The following TMEM135 variants were observed in gnomAD, a reference collection of about 807,000 sequenced individuals.
TMEM135 encodes transmembrane protein 135.
TMEM135 carries 30 observed loss-of-function variants against 60.3 expected under a neutral mutation model. That is an observed-to-expected ratio of 0.50 (90% CI 0.37 to 0.68). The LOEUF is 0.68. TMEM135 is among the 30% of genes least tolerant of loss of function. TMEM135 has a pLI of 0.00. For missense variants in TMEM135, 468 were observed against 548.8 expected, an observed-to-expected ratio of 0.85 and a Z score of 1.47; for synonymous variants, 190 against 186.7, an observed-to-expected ratio of 1.02 and a Z score of -0.14.
intron 12 of TMEM135, among the ~76,000 whole-genome samples, chr11:87,317,447 T>C (rs1942752800): frequency 6.6e-6 from 1 of 152,170 alleles, no homozygotes; most frequent in Non-Finnish European, 1.5e-5. Context: ...TATCCCAGTC[T>C]CTTTTACACA....
intron 5 of TMEM135, among the ~76,000 whole-genome samples, chr11:87,228,282 G>A (rs1026649456): frequency 1.3e-5 from 2 of 152,102 alleles, no homozygotes; most frequent in Non-Finnish European, 2.9e-5. Context: ...GTGAGAATTT[G>A]TGGTTCCTTG....
intron 4 of TMEM135, among the ~76,000 whole-genome samples, chr11:87,151,336 G>T (rs539143551): frequency 3.3e-4 from 50 of 152,106 alleles, no homozygotes; most frequent in African/African-American, 6.7e-4. Flanking sequence ...ATTTCTTAGA[G>T]TCCTTCAGTT....
chr11:87,173,236 AG>A (rs1177202671), intron 5 of TMEM135, among the ~76,000 whole-genome samples: 1 of 152,182 alleles, frequency 6.6e-6, no homozygotes, highest in African/African-American at 2.4e-5. Flanking sequence ...ACTGATGCCT[AG>A]TAGAATGCCA....
intron 5 of TMEM135, among the ~76,000 whole-genome samples, chr11:87,233,242 T>C (rs748004265): frequency 2.0e-5 from 3 of 151,962 alleles, no homozygotes; most frequent in Non-Finnish European, 4.4e-5. Flanking sequence ...GAGAAATAAA[T>C]AGCAAGATGA....
At chr11:87,074,120 C>G (rs1372061357) in intron 3 of TMEM135, among the ~76,000 whole-genome samples, 1 of 152,074 alleles carries the variant, frequency 6.6e-6, no homozygotes, top group Non-Finnish European at 1.5e-5. Context: ...CATGAACCAC[C>G]AAGCCTGGCT....
chr11:87,092,969 A>G (rs1263801787), intron 4 of TMEM135, among the ~76,000 whole-genome samples: 2 of 152,058 alleles, frequency 1.3e-5, no homozygotes, highest in African/African-American at 4.8e-5. Context: ...TTGTAGTCCG[A>G]GAATTCATGG....
At chr11:87,069,611 G>A (rs1241310354) in intron 2 of TMEM135, among the ~76,000 whole-genome samples, 2 of 152,150 alleles carry the variant, frequency 1.3e-5, no homozygotes, top group African/African-American at 4.8e-5. Context: ...GCTTTTTATG[G>A]TGCCTATGGA....
intron 6 of TMEM135, among the ~76,000 whole-genome samples, chr11:87,260,331 G>A (rs1192237093): frequency 6.6e-6 from 1 of 152,072 alleles, no homozygotes; most frequent in Non-Finnish European, 1.5e-5. Flanking sequence ...TCCTTGCAGG[G>A]TGTCATTGTA....
At chr11:87,158,464 A>ATT (rs60730766) in intron 5 of TMEM135, among the ~76,000 whole-genome samples, 32,639 of 140,438 alleles carry the variant, frequency 0.23, 4,584 homozygotes, top group East Asian at 0.61. Context: ...CCTTGGTATA[A>ATT]TTTTTTTTTT....
At chr11:87,221,357 T>C (rs1253971110) in intron 5 of TMEM135, among the ~76,000 whole-genome samples, 2 of 152,208 alleles carry the variant, frequency 1.3e-5, no homozygotes, top group South Asian at 4.1e-4. Flanking sequence ...AATACTTCCT[T>C]TGGTAAGAGG....
At chr11:87,094,441 T>A (rs1857276800) in intron 4 of TMEM135, among the ~76,000 whole-genome samples, 1 of 152,252 alleles carries the variant, frequency 6.6e-6, no homozygotes, top group South Asian at 2.1e-4. Context: ...TTCTGTGCTA[T>A]TACTGGCAGA....
rs562074312 is a variant in TMEM135, at chr11:87,145,102, T to C, written c.397-12239T>C. 6.8e-4 allele frequency among the ~76,000 whole-genome samples: 103 copies of C among 152,234 alleles called. 1 individual carries two copies. The highest frequency in any genetic ancestry group is 3.4e-3 in the Middle Eastern group (1 of 294). ...GGAGATTTTCTACCCTTTGATCAAATCTCCTCATTTCCCCACCTCCAGCCT... is the reference window on the plus strand; with the variant it reads ...GGAGATTTTCTACCCTTTGATCAAACCTCCTCATTTCCCCACCTCCAGCCT... On this transcript the variant is annotated intron_variant, in intron 4 of 14. Transcript: ENST00000305494.
At chr11:87,103,161 C>T (rs765297980) in intron 4 of TMEM135, among the ~76,000 whole-genome samples, 6 of 152,096 alleles carry the variant, frequency 3.9e-5, no homozygotes, top group Admixed American at 6.5e-5. Flanking sequence ...TTTGACATAC[C>T]GATTTCACTT....
chr11:87,260,088 G>A (rs1293983239), intron 6 of TMEM135, among the ~76,000 whole-genome samples: 1 of 152,138 alleles, frequency 6.6e-6, no homozygotes, highest in East Asian at 1.9e-4. Flanking sequence ...CACTGAAATG[G>A]ATTATGCAAT....
chr11:87,164,419 C>A, intron 5 of TMEM135, among the ~76,000 whole-genome samples: 1 of 91,256 alleles, frequency 1.1e-5, no homozygotes, highest in African/African-American at 4.9e-5. Context: ...GGTACCAGTA[C>A]CATGCTGTTT....
chr11:87,091,603 G>A (rs1857206217), intron 4 of TMEM135, among the ~76,000 whole-genome samples: 2 of 152,038 alleles, frequency 1.3e-5, no homozygotes, highest in African/African-American at 4.8e-5. Context: ...ATTTTAGAAG[G>A]AAATCACTGT....
intron 4 of TMEM135, among the ~76,000 whole-genome samples, chr11:87,143,874 G>A (rs1256808004): frequency 6.6e-6 from 1 of 152,058 alleles, no homozygotes. Flanking sequence ...TGGGGAGTTT[G>A]GTGCGCACCC....
chr11:87,312,819 A>G (rs1407666810), intron 10 of TMEM135, among the ~76,000 whole-genome samples: 1 of 151,936 alleles, frequency 6.6e-6, no homozygotes, highest in Non-Finnish European at 1.5e-5. Context: ...CCCCTATTTT[A>G]GATAGTTAAT....
At chr11:87,070,501 G>T (rs1856755192) in intron 2 of TMEM135, among the ~76,000 whole-genome samples, 2 of 152,120 alleles carry the variant, frequency 1.3e-5, no homozygotes, top group Admixed American at 6.5e-5. Flanking sequence ...GGGCGTGGTG[G>T]CAAGCGCCTG....
Sources: allele counts gnomAD v4.1 joint callset (sites outside exome capture counted in the v4.1 genomes callset), GRCh38; gene constraint gnomAD v4.1.1; transcripts MANE v1.5; gene names NCBI Gene and HGNC (gene_info 2026-07-23, HGNC 2026-07-21).